The following UBFD1 variants were observed in gnomAD, a reference collection of about 807,000 sequenced individuals.
UBFD1 encodes the protein ubiquitin domain-containing protein UBFD1.
Under a neutral mutation model 35.1 loss-of-function variants are expected in UBFD1, and 12 were observed. That is an observed-to-expected ratio of 0.34 (90% confidence interval 0.22 to 0.55). UBFD1 has a LOEUF of 0.55. UBFD1 is among the 20% of genes least tolerant of loss of function. UBFD1 has a pLI of 0.89. For missense variants in UBFD1, 337 were observed against 410.8 expected (o/e 0.82, Z 1.55); for synonymous variants, 178 against 167.6 (o/e 1.06, Z -0.48).
intron 3 of UBFD1, among the ~76,000 whole-genome samples, chr16:23,560,125 T>TGAAACGG (rs1299848310): frequency 6.6e-6 from 1 of 152,162 alleles, no homozygotes. Flanking sequence ...AGCTGACCGT[T>TGAAACGG]TCAGGAAGCT....
chr16:23,566,477 C>T, intron 5 of UBFD1: 1 of 152,420 alleles, frequency 6.6e-6, no homozygotes, highest in East Asian at 1.9e-4. Flanking sequence ...TCTCGTGCTT[C>T]AGCCTCCTGA....
At chr16:23,563,364 C>T (rs1280979156) in intron 5 of UBFD1, among the ~76,000 whole-genome samples, 1 of 152,134 alleles carries the variant, frequency 6.6e-6, no homozygotes, top group Non-Finnish European at 1.5e-5. Context: ...CTGCCCCACC[C>T]CCGCCTGTGC....
chr16:23,570,251 T>G (rs1966065449), intron 6 of UBFD1, among the ~76,000 whole-genome samples: 1 of 152,180 alleles, frequency 6.6e-6, no homozygotes, highest in South Asian at 2.1e-4. Flanking sequence ...CCCGGATGGC[T>G]CTGATGACCA....
intron 5 of UBFD1, chr16:23,565,546 C>T (rs1286976085): frequency 3.3e-5 from 5 of 152,060 alleles, no homozygotes; most frequent in African/African-American, 1.2e-4. Flanking sequence ...TAAAAGTTTC[C>T]ATCTTAAAGA....
Position 23,570,913 on chromosome 16 carries a change from G to A in UBFD1, c.*323G>A, listed in dbSNP as rs1966074207. ...GTTTGAGAGTAGATCTGCCAATTAT[G>A]TTGACAAGGGAATGATCAAAAGCTT... On this transcript the variant is annotated 3_prime_UTR_variant, in exon 7 of 7. Coordinates refer to ENST00000395878, the MANE Select transcript of UBFD1 (RefSeq NM_019116.3). 1 of 165,200 alleles carries A rather than the reference G, an allele frequency of 6.1e-6. No individual in the cohort carries two copies. Among genetic ancestry groups the A allele is most frequent in the African/African-American group, 2.4e-5 (1 of 41,130 alleles). 10.2% of individuals were successfully genotyped at this position (165,200 alleles called of 1,614,324 possible).
chr16:23,567,685 G>C (rs1299408918), intron 6 of UBFD1, among the ~76,000 whole-genome samples: 1 of 152,286 alleles, frequency 6.6e-6, no homozygotes, highest in Non-Finnish European at 1.5e-5. Flanking sequence ...AAAATGAGCA[G>C]CTTAGGCAGT....
chr16:23,559,197 T>C (rs980243856), intron 2 of UBFD1: 3 of 324,262 alleles, frequency 9.3e-6, no homozygotes, highest in Non-Finnish European at 1.7e-5. Flanking sequence ...TAGTACTTAC[T>C]GAACAATTAT....
rs1011127044 is a variant in UBFD1, at chr16:23,557,782, G to A, written c.25+15G>A. The A allele has an allele frequency of 2.3e-6, 3 of 1,281,168 alleles. No individual in the cohort carries two copies. In the African/African-American group the frequency reaches 4.6e-5, roughly 20 times the overall value. The allele number at this position is 1,281,168 out of a possible 1,614,324, so 79.4% of individuals were successfully genotyped here. On this transcript the variant is annotated intron_variant, in intron 1 of 6. Coordinates refer to ENST00000395878, the MANE Select transcript of UBFD1 (RefSeq NM_019116.3). Reference sequence around the variant, plus strand: ...GGCCCCGGATGGTGAGTGCGGCGGGGGTGGCGGGCGCCGGGCCGGGGCTGA... The same window carrying A: ...GGCCCCGGATGGTGAGTGCGGCGGGAGTGGCGGGCGCCGGGCCGGGGCTGA...
intron 2 of UBFD1, 44 bp from the exon 3 acceptor site, chr16:23,559,424 T>C: frequency 6.4e-7 from 1 of 1,560,838 alleles, no homozygotes; most frequent in Non-Finnish European, 8.8e-7. Flanking sequence ...TACATTTTTC[T>C]GTCCTTCCTT....
intron 3 of UBFD1, 26 bp from the exon 4 acceptor site, chr16:23,562,180 A>T (rs748618316): frequency 6.2e-7 from 1 of 1,604,282 alleles, no homozygotes; most frequent in South Asian, 1.1e-5. Context: ...CAGCTGTTTC[A>T]TTTCATTCTC....
At chr16:23,565,848 T>TCCCCC (rs1966002510) in intron 5 of UBFD1, 1 of 130,504 alleles carries the variant, frequency 7.7e-6, no homozygotes, top group Non-Finnish European at 1.6e-5. Context: ...TGAGCCTCCC[T>TCCCCC]GCCCCCCTCC....
At chr16:23,559,834 C>T in intron 3 of UBFD1, 158 bp downstream of exon 3, 8 of 1,539,558 alleles carry the variant, frequency 5.2e-6, no homozygotes, top group Non-Finnish European at 6.1e-6. Flanking sequence ...GAGGTGACAA[C>T]TACCTGAGAT....
chr16:23,566,889 A>G (rs995416230), intron 5 of UBFD1, 98 bp from the exon 6 acceptor site: 2 of 1,157,246 alleles, frequency 1.7e-6, no homozygotes, highest in African/African-American at 1.5e-5. Flanking sequence ...AGTTTACTGT[A>G]GATCCCGCAG....
At chr16:23,568,303 G>T (rs2058071537) in intron 6 of UBFD1, among the ~76,000 whole-genome samples, 1 of 151,668 alleles carries the variant, frequency 6.6e-6, no homozygotes, top group Admixed American at 6.6e-5. Flanking sequence ...GGGATTACAG[G>T]CTCACGCCAC....
intron 6 of UBFD1, among the ~76,000 whole-genome samples, chr16:23,567,955 G>T (rs2142220313): frequency 6.6e-6 from 1 of 152,374 alleles, no homozygotes; most frequent in South Asian, 2.1e-4. Context: ...TGTGTTGGAA[G>T]ATCCTCTTGC....
rs1187509321 is a variant in UBFD1 at position 23,571,395 on chromosome 16, AG to A, written c.*807del. The A allele has an allele frequency of 3.3e-5, 5 of 152,436 alleles. No individual in the cohort carries two copies. The highest frequency in any genetic ancestry group is 5.9e-5 in the Non-Finnish European group (4 of 68,126). The allele number at this position is 152,436 out of a possible 1,614,324, so 9.4% of individuals were successfully genotyped here. The stretch of plus-strand genomic sequence containing the variant: ...CTTGCCCTTTGGGCCCCCATCTCCA[AG>A]GAGTTCCATTGCTGGTTGGATGATT... On this transcript the variant is annotated 3_prime_UTR_variant, in exon 7 of 7. Transcript: ENST00000395878.
At position 23,573,814 on chromosome 16, in the gene UBFD1, C is replaced by T. The variant is rs1966118624; in HGVS notation, c.*3224C>T. 5 of 152,636 alleles carry T rather than the reference C, an allele frequency of 3.3e-5. No homozygotes were observed. The highest frequency in any genetic ancestry group is 3.3e-4 in the Admixed American group (5 of 15,278). 9.5% of individuals were successfully genotyped at this position (152,636 alleles called of 1,614,324 possible). A position where few individuals can be genotyped will look rare whatever the true frequency, so the allele number is the denominator to read the frequency against. ...GGGCTCTTGCACTTGCCCAGCCTTT[C>T]TTTGCCAGGGGCAGAGAAGGGAAAG... On this transcript the variant is annotated 3_prime_UTR_variant, in exon 7 of 7. Transcript: ENST00000395878.
At chr16:23,563,765 T>C (rs928383900) in intron 5 of UBFD1, among the ~76,000 whole-genome samples, 2 of 152,246 alleles carry the variant, frequency 1.3e-5, no homozygotes, top group Admixed American at 1.3e-4. Context: ...TGGTCCCCTG[T>C]GTATTTTAGC....
rs920859395 is a variant in UBFD1, at chr16:23,573,691, C to T, written c.*3101C>T. The T allele has an allele frequency of 6.5e-6, 1 of 152,688 alleles. No homozygotes were observed. Among genetic ancestry groups the T allele is most frequent in the Admixed American group, 6.5e-5 (1 of 15,288 alleles). The allele number at this position is 152,688 out of a possible 1,614,324, so 9.5% of individuals were successfully genotyped here. On this transcript the variant is annotated 3_prime_UTR_variant, in exon 7 of 7. Transcript: ENST00000395878. ...TGAGGGCCAAAGAGATTAACTCTGC[C>T]TCGTTGCCATGTCTCAGAAAAGTTG...
Sources: gnomAD v4.1 joint callset for allele counts (sites outside exome capture counted in the v4.1 genomes callset) on GRCh38, gnomAD v4.1.1 for gene constraint, MANE v1.5 for transcripts, NCBI Gene and HGNC (gene_info 2026-07-23, HGNC 2026-07-21) for gene names.